The following MIPEP variants were observed in gnomAD, a reference collection of about 807,000 sequenced individuals.
MIPEP encodes mitochondrial intermediate peptidase.
MIPEP carries 79 observed loss-of-function variants against 90.3 expected under a neutral mutation model. The observed-to-expected ratio is 0.87, with a 90% CI of 0.73 to 1.05. The LOEUF is 1.05. Ranked by LOEUF, MIPEP falls within the 50% of genes least tolerant of loss-of-function variation. MIPEP has a pLI of 0.00. For missense variants in MIPEP, 940 were observed against 905.6 expected (o/e 1.04, Z -0.49); for synonymous variants, 334 against 315.8 (o/e 1.06, Z -0.61).
intron 16 of MIPEP, among the ~76,000 whole-genome samples, chr13:23,767,650 C>G (rs1480487142): frequency 6.6e-6 from 1 of 152,082 alleles, no homozygotes; most frequent in African/African-American, 2.4e-5. Context: ...GACGGGGTTT[C>G]ACTATGTTGG....
chr13:23,784,413 G>T (rs1174074045), intron 16 of MIPEP, among the ~76,000 whole-genome samples: 1 of 152,204 alleles, frequency 6.6e-6, no homozygotes, highest in Non-Finnish European at 1.5e-5. Context: ...AATAAATGGT[G>T]CTGGGAAAAC....
intron 18 of MIPEP, among the ~76,000 whole-genome samples, chr13:23,743,635 C>T (rs900375266): frequency 1.3e-5 from 2 of 152,226 alleles, no homozygotes; most frequent in Non-Finnish European, 2.9e-5. Flanking sequence ...GTTGAGCCAG[C>T]AAGTACAGCC....
At chr13:23,857,366 T>A (rs1483670895) in intron 10 of MIPEP, among the ~76,000 whole-genome samples, 1 of 152,162 alleles carries the variant, frequency 6.6e-6, no homozygotes, top group Non-Finnish European at 1.5e-5. Flanking sequence ...AAATGGTAGC[T>A]AACCAACCTG....
chr13:23,789,435 G>A (rs1024922865), intron 16 of MIPEP, among the ~76,000 whole-genome samples: 3 of 152,118 alleles, frequency 2.0e-5, no homozygotes, highest in Non-Finnish European at 4.4e-5. Context: ...CAGTAAAATA[G>A]AGTAACAGAA....
rs149208946 is a variant in MIPEP at position 23,767,725 on chromosome 13, T to C, written c.1849-7508A>G. Among the ~76,000 whole-genome samples the C allele has an allele frequency of 4.9e-3, 753 of 152,304 alleles. 8 individuals carry two copies. The highest frequency in any genetic ancestry group is 0.017 in the African/African-American group (713 of 41,562). ...CCTCGGCTTCCCAAAGTGCTGGGAT[T>C]ACAGGTGTGAGCCACCACGCCTGGC... On this transcript the variant is annotated intron_variant, in intron 16 of 18. Transcript: ENST00000382172.
intron 15 of MIPEP, 21 bp from the exon 16 acceptor site, chr13:23,806,090 A>T: frequency 6.2e-7 from 1 of 1,613,242 alleles, no homozygotes. Context: ...AAAAACATCT[A>T]CTTAGTTTTG....
chr13:23,874,902 C>A lies in MIPEP; in HGVS notation c.547G>T (p.Ala183Ser). 1.3e-6 allele frequency: 2 copies of A among 1,599,578 alleles called. No individual in the cohort carries two copies. The highest frequency in any genetic ancestry group is 1.7e-6 in the Non-Finnish European group (2 of 1,175,388). Residue 183 changes from alanine to serine, a missense_variant, in exon 5 of 19, where the codon GCT (alanine) becomes TCT (serine). Physicochemically the swap from Ala to Ser is moderately conservative, Grantham distance 99. Coordinates refer to ENST00000382172, the MANE Select transcript of MIPEP (RefSeq NM_005932.4). ...DSLDPETRRV[A>S]ELFMFDFEIS... Reference sequence around the variant, plus strand: ...TCAAAATCAAACATAAACAGTTCAGCCACTCGCCTATAAATGAAATGAGCC... The same window carrying A: ...TCAAAATCAAACATAAACAGTTCAGACACTCGCCTATAAATGAAATGAGCC...
intron 18 of MIPEP, among the ~76,000 whole-genome samples, chr13:23,739,562 G>T (rs1181131939): frequency 6.6e-6 from 1 of 152,222 alleles, no homozygotes; most frequent in Non-Finnish European, 1.5e-5. Flanking sequence ...AAAACACGAA[G>T]TTGGTAGAGG....
At chr13:23,867,469 T>C (rs991298141) in intron 7 of MIPEP, among the ~76,000 whole-genome samples, 1 of 152,164 alleles carries the variant, frequency 6.6e-6, no homozygotes. Context: ...CATGCCCACA[T>C]ACCTTATCCC....
At chr13:23,811,439 T>C (rs1196096603) in intron 14 of MIPEP, among the ~76,000 whole-genome samples, 1 of 152,170 alleles carries the variant, frequency 6.6e-6, no homozygotes, top group East Asian at 1.9e-4. Context: ...ATAGTTAAAC[T>C]TTGAGGCTAG....
intron 7 of MIPEP, among the ~76,000 whole-genome samples, chr13:23,865,796 G>A (rs979580829): frequency 2.6e-5 from 4 of 151,216 alleles, no homozygotes; most frequent in African/African-American, 9.7e-5. Flanking sequence ...TCAGCTTCCT[G>A]AGTAGCTGGG....
rs1952295217 is a variant in MIPEP, at chr13:23,738,989, T to C, written c.2045-8544A>G. ...TGGACCTGCGGAAACCTGTTAAGCC[T>C]GAAAATGAGATGTCGTTTCTCTCAA... On this transcript the variant is annotated intron_variant, in intron 18 of 18. Transcript: ENST00000382172. Among the ~76,000 whole-genome samples, 4 of 152,216 alleles carry C rather than the reference T, an allele frequency of 2.6e-5. No individual in the cohort carries two copies. In the South Asian group the frequency reaches 8.3e-4, roughly 32 times the overall value.
intron 16 of MIPEP, among the ~76,000 whole-genome samples, chr13:23,798,923 T>C (rs772839454): frequency 4.1e-4 from 62 of 151,958 alleles, no homozygotes; most frequent in African/African-American, 1.2e-3. Context: ...TATTTATTTG[T>C]AGCAACGTGA....
At chr13:23,791,475 C>T (rs150287924) in intron 16 of MIPEP, among the ~76,000 whole-genome samples, 140 of 152,244 alleles carry the variant, frequency 9.2e-4, no homozygotes, top group African/African-American at 3.2e-3. Flanking sequence ...AGCAAAGCCC[C>T]GGAAGAGGAC....
In MIPEP at chr13:23,879,336, A is replaced by T. The variant is rs1871193008; in HGVS notation, c.471T>A (p.Asp157Glu). The change falls in exon 4 of 19, where the codon GAT (aspartate) becomes GAA (glutamate). Residue 157 changes from aspartate to glutamate, a missense_variant. Physicochemically the swap from Asp to Glu is conservative, Grantham distance 45. Transcript: ENST00000382172. ...TMVEKLNTNV[D>E]LYQSLQKLLA... ...GTAATTTTTGCAAACTTTGATATAA[A>T]TCCACATTTGTGTTCAACCTAGAAA... 6.3e-7 allele frequency: 1 copy of T among 1,582,786 alleles called. No individual in the cohort carries two copies. Among genetic ancestry groups the T allele is most frequent in the Non-Finnish European group, 8.7e-7 (1 of 1,152,682 alleles).
At chr13:23,761,684 C>A (rs1424559551) in intron 16 of MIPEP, among the ~76,000 whole-genome samples, 1 of 152,202 alleles carries the variant, frequency 6.6e-6, no homozygotes, top group African/African-American at 2.4e-5. Flanking sequence ...TCTGCTGTAA[C>A]GTCACCCCAG....
intron 1 of MIPEP, among the ~76,000 whole-genome samples, chr13:23,887,285 C>T (rs965805288): frequency 6.6e-6 from 1 of 152,218 alleles, no homozygotes; most frequent in African/African-American, 2.4e-5. Flanking sequence ...TGTTAGCACA[C>T]TCAGGAAGGC....
At chr13:23,860,946 G>A (rs1029987999) in intron 9 of MIPEP, among the ~76,000 whole-genome samples, 1 of 152,154 alleles carries the variant, frequency 6.6e-6, no homozygotes, top group African/African-American at 2.4e-5. Flanking sequence ...TATGGGGGAG[G>A]GGAGTGTGCA....
At chr13:23,786,528 T>C (rs1925084) in intron 16 of MIPEP, among the ~76,000 whole-genome samples, 11,970 of 152,010 alleles carry the variant, frequency 0.079, 1,564 homozygotes, top group African/African-American at 0.27. Context: ...GAAATACGTA[T>C]ATCAAGAAGG....
Sources: gnomAD v4.1 joint callset for allele counts (sites outside exome capture counted in the v4.1 genomes callset) on GRCh38, gnomAD v4.1.1 for gene constraint, MANE v1.5 for transcripts, NCBI Gene and HGNC (gene_info 2026-07-23, HGNC 2026-07-21) for gene names.